Variants in KCNJ6 observed in about 807,000 individuals in gnomAD.
KCNJ6 encodes potassium inwardly rectifying channel subfamily J member 6.
KCNJ6 carries 9 observed loss-of-function variants against 34.2 expected under a neutral mutation model. The observed-to-expected ratio is 0.26, with a 90% CI of 0.16 to 0.46. The LOEUF (loss-of-function observed/expected upper bound fraction) is 0.46, where lower values mean the gene tolerates loss of function less well. Ranked by LOEUF, KCNJ6 falls within the 20% of genes least tolerant of loss-of-function variation. KCNJ6 has a pLI of 1.00. For missense variants in KCNJ6, 236 were observed against 531.3 expected (o/e 0.44, Z 5.46); for synonymous variants, 196 against 207.1 (o/e 0.95, Z 0.46).
chr21:37,683,402 T>C (rs2054598685), intron 3 of KCNJ6, among the ~76,000 whole-genome samples: 1 of 152,322 alleles, frequency 6.6e-6, no homozygotes, highest in East Asian at 1.9e-4. Context: ...GCAGCTTGAA[T>C]AAATCCTTCC....
intron 2 of KCNJ6, among the ~76,000 whole-genome samples, chr21:37,749,527 C>G (rs1446242894): frequency 6.6e-6 from 1 of 152,186 alleles, no homozygotes; most frequent in East Asian, 1.9e-4. Context: ...GCCCGGCTGT[C>G]ATTCTCTGCC....
In KCNJ6 at chr21:37,723,041, T is replaced by G. The variant is rs1023450139; in HGVS notation, c.26-7910A>C. On this transcript the variant is annotated intron_variant, in intron 2 of 3. Transcript: ENST00000609713. ...ATAATATTGGCAAACTGCATCTGAC[T>G]AAGGTGTAATATCCAAAATCTAAAA... Among the ~76,000 whole-genome samples, 5 of 152,240 alleles carry G rather than the reference T, an allele frequency of 3.3e-5. No individual in the cohort carries two copies. In the East Asian group the frequency reaches 9.6e-4, roughly 29 times the overall value.
chr21:37,714,263 G>C lies in KCNJ6; in HGVS notation c.894C>G (p.Pro298=), dbSNP rs773755412. The part of the protein sequence containing the change: ...PFWEISKAQL[P]KEELEIVVIL... ...TGACCACAATTTCCAGTTCCTCTTT[G>C]GGCAGCTGGGCTTTGGAGATCTCCC... Residue 298 remains proline (P), a synonymous_variant, in exon 3 of 4, where the codon CCC becomes CCG. Coordinates refer to ENST00000609713, the MANE Select transcript of KCNJ6 (RefSeq NM_002240.5). This position sits in a 1 kb window ranked among gnomAD's most constrained non-coding sequence, Gnocchi z 5.9. 6.2e-7 allele frequency: 1 copy of C among 1,614,058 alleles called. No individual in the cohort carries two copies. Among genetic ancestry groups the C allele is most frequent in the Non-Finnish European group, 8.5e-7 (1 of 1,179,974 alleles).
intron 3 of KCNJ6, among the ~76,000 whole-genome samples, chr21:37,661,676 T>A (rs1244953689): frequency 7.5e-6 from 1 of 133,762 alleles, no homozygotes; most frequent in East Asian, 2.4e-4. Context: ...CAGGCTGGAG[T>A]GCAGTGGCGC....
intron 3 of KCNJ6, among the ~76,000 whole-genome samples, chr21:37,667,525 G>A (rs2054521147): frequency 6.6e-6 from 1 of 151,384 alleles, no homozygotes; most frequent in Admixed American, 6.6e-5. Context: ...GTGGGCGCCG[G>A]GGTAGCGGGG....
At chr21:37,768,718 T>C (rs552352268) in intron 2 of KCNJ6, among the ~76,000 whole-genome samples, 136 of 152,358 alleles carry the variant, frequency 8.9e-4, no homozygotes, top group Non-Finnish European at 1.5e-3. Flanking sequence ...GCAACAGGCT[T>C]ATAAGGAAAC....
chr21:37,874,601 C>A (rs2055668569), intron 1 of KCNJ6, among the ~76,000 whole-genome samples: 1 of 152,178 alleles, frequency 6.6e-6, no homozygotes, highest in Admixed American at 6.5e-5. Flanking sequence ...TCTGTAGGGT[C>A]TAAGGATAGA....
intron 1 of KCNJ6, among the ~76,000 whole-genome samples, chr21:37,858,983 C>G (rs1295937150): frequency 6.6e-6 from 1 of 152,006 alleles, no homozygotes; most frequent in East Asian, 1.9e-4. Flanking sequence ...GTCTAAAGAA[C>G]AAAGATGTAA....
chr21:37,620,208 AG>A lies in KCNJ6; in HGVS notation c.*4950del, dbSNP rs1429823772. On this transcript the variant is annotated 3_prime_UTR_variant, in exon 4 of 4. Coordinates refer to ENST00000609713, the MANE Select transcript of KCNJ6 (RefSeq NM_002240.5). ...AATAGTACTATTACTAGTACTTAAT[AG>A]TACCAATAGTACTTAACAGTACAGT... 4 of 152,228 alleles carry A rather than the reference AG, an allele frequency of 2.6e-5. No individual in the cohort carries two copies. The highest frequency in any genetic ancestry group is 9.7e-5 in the African/African-American group (4 of 41,450). The allele number at this position is 152,228 out of a possible 1,614,324, so 9.4% of individuals were successfully genotyped here.
chr21:37,663,536 GC>G (rs1355353191), intron 3 of KCNJ6, among the ~76,000 whole-genome samples: 1 of 151,800 alleles, frequency 6.6e-6, no homozygotes. Context: ...AAAAGTTGAA[GC>G]TAAAATAATA....
chr21:37,864,569 T>C (rs2055612446), intron 1 of KCNJ6, among the ~76,000 whole-genome samples: 1 of 152,218 alleles, frequency 6.6e-6, no homozygotes. Context: ...GTAAGCTCTG[T>C]GCATGATTAG....
intron 2 of KCNJ6, among the ~76,000 whole-genome samples, chr21:37,778,732 CATCTT>C (rs1349033906): frequency 6.9e-6 from 1 of 144,214 alleles, no homozygotes; most frequent in Non-Finnish European, 1.5e-5. Flanking sequence ...TTTTAACACT[CATCTT>C]CTGTTTGAAT....
chr21:37,882,156 G>A (rs1288741108), intron 1 of KCNJ6, among the ~76,000 whole-genome samples: 6 of 152,148 alleles, frequency 3.9e-5, no homozygotes, highest in Non-Finnish European at 8.8e-5. Flanking sequence ...CACTCCATAA[G>A]CATTTTCTTC....
chr21:37,757,622 GTGTGATGATTCCAGCC>G (rs2055036728), intron 2 of KCNJ6, among the ~76,000 whole-genome samples: 1 of 151,754 alleles, frequency 6.6e-6, no homozygotes. Flanking sequence ...CTCCCTCACA[GTGTGATGATTCCAGCC>G]CGGAGTGAGC....
At chr21:37,849,074 T>C (rs1042831837) in intron 1 of KCNJ6, among the ~76,000 whole-genome samples, 8 of 152,188 alleles carry the variant, frequency 5.3e-5, no homozygotes, top group African/African-American at 1.9e-4. Flanking sequence ...GAAAATACTA[T>C]GCGAGACTGC....
At chr21:37,846,099 G>A (rs2055505904) in intron 1 of KCNJ6, among the ~76,000 whole-genome samples, 1 of 152,086 alleles carries the variant, frequency 6.6e-6, no homozygotes, top group Non-Finnish European at 1.5e-5. Flanking sequence ...CAGGGGCAAT[G>A]GGCATTTAAT....
At chr21:37,625,617 G>T in intron 3 of KCNJ6, 133 bp from the exon 4 acceptor site, 1 of 630,720 alleles carries the variant, frequency 1.6e-6, no homozygotes, top group Non-Finnish European at 2.8e-6. Flanking sequence ...CACTTAGTAG[G>T]TGTCATTCAT....
At chr21:37,669,577 T>TTGTGTGTGTGTGTG (rs35169360) in intron 3 of KCNJ6, among the ~76,000 whole-genome samples, 38 of 149,078 alleles carry the variant, frequency 2.5e-4, no homozygotes, top group Admixed American at 2.5e-3. Flanking sequence ...TCTGTGTGTG[T>TTGTGTGTGTGTGTG]TGTGTGTGTG....
At chr21:37,878,629 T>G (rs2055690943) in intron 1 of KCNJ6, among the ~76,000 whole-genome samples, 1 of 152,238 alleles carries the variant, frequency 6.6e-6, no homozygotes, top group African/African-American at 2.4e-5. Context: ...AGTAGGAAAC[T>G]TGTGTGCTCC....
Sources: allele counts gnomAD v4.1 joint callset (sites outside exome capture counted in the v4.1 genomes callset), GRCh38; gene constraint gnomAD v4.1.1; non-coding constraint Gnocchi (gnomAD v3.1); transcripts MANE v1.5; gene names NCBI Gene and HGNC (gene_info 2026-07-23, HGNC 2026-07-21).